KIF26B: variants seen among roughly 807,000 people sequenced by gnomAD.
The protein encoded by KIF26B is kinesin-like protein KIF26B.
In KIF26B, 63 loss-of-function variants were observed where a neutral mutation model predicts 151.2. That is an observed-to-expected ratio of 0.42 (90% CI 0.34 to 0.51). The LOEUF (loss-of-function observed/expected upper bound fraction) is 0.51. KIF26B is among the 20% of genes least tolerant of loss of function. KIF26B has a pLI of 0.07. For synonymous variants in KIF26B, 1,357 were observed against 1,262.1 expected, an observed-to-expected ratio of 1.08 and a Z score of -1.59; for missense variants, 2,813 against 2,913.6, an observed-to-expected ratio of 0.97 and a Z score of 0.79.
At chr1:245,498,808 AGAG>A (rs1256973735) in intron 4 of KIF26B, among the ~76,000 whole-genome samples, 1 of 152,172 alleles carries the variant, frequency 6.6e-6, no homozygotes, top group Non-Finnish European at 1.5e-5. Context: ...ACTGGGGAAA[AGAG>A]GAGGCAACGA....
intron 2 of KIF26B, among the ~76,000 whole-genome samples, chr1:245,262,201 A>G (rs531581112): frequency 1.2e-4 from 19 of 152,160 alleles, no homozygotes; most frequent in Non-Finnish European, 2.5e-4. Flanking sequence ...AACATAGGAG[A>G]CAGCCACTAT....
Position 245,184,050 on chromosome 1 carries a change from G to GTTTTGTTTTTTTTTTTTTTTTTTTTTT in KIF26B, c.465+27371_465+27372insGTTTTTTTTTTTTTTTTTTTTTTTTTT, listed in dbSNP as rs1553332273. On this transcript the variant is annotated intron_variant, in intron 2 of 14. Transcript: ENST00000407071. ...GCAACAGGTATGGGTGGGAGTTGTTGTTTTTTTTTTTTTTTTTTTGAGCTT... is the reference window on the plus strand; with the variant it reads ...GCAACAGGTATGGGTGGGAGTTGTTGTTTTGTTTTTTTTTTTTTTTTTTTTTTTTTTTTTTTTTTTTTTTTTGAGCTT... Among the ~76,000 whole-genome samples the GTTTTGTTTTTTTTTTTTTTTTTTTTTT allele has an allele frequency of 1.4e-3, 27 of 19,812 alleles. 1 individual carries two copies. Among genetic ancestry groups the GTTTTGTTTTTTTTTTTTTTTTTTTTTT allele is most frequent in the Non-Finnish European group, 2.2e-3 (22 of 10,064 alleles). The allele number at this position is 19,812 out of a possible 152,430, so 13.0% of individuals were successfully genotyped here.
intron 2 of KIF26B, among the ~76,000 whole-genome samples, chr1:245,177,694 G>GTC (rs1558335231): frequency 6.7e-6 from 1 of 149,794 alleles, no homozygotes; most frequent in Admixed American, 6.7e-5. Context: ...GTGTGTGTGT[G>GTC]TCTTTCCCCC....
At position 245,702,569 on chromosome 1, in the gene KIF26B, T is replaced by C. The variant is rs749495193; in HGVS notation, c.6290T>C (p.Met2097Thr). ...RVNFCKAHLM[M>T]ITCFDITSRR... ...AACTTCTGCAAGGCCCATCTCATGA[T>C]GATCACCTGCTTCGACATCACCTCC... The change falls in exon 15 of 15, where the codon ATG becomes ACG. Residue 2097 changes from methionine (M) to threonine (T), a missense_variant. Met to Thr is a moderately conservative substitution (Grantham distance 81). Coordinates refer to ENST00000407071, the MANE Select transcript of KIF26B (RefSeq NM_018012.4). The surrounding 1 kb of genome is among the most constrained non-coding windows in gnomAD (Gnocchi z 4.1). 6.2e-7 allele frequency: 1 copy of C among 1,613,958 alleles called. No individual in the cohort carries two copies. The highest frequency in any genetic ancestry group is 8.5e-7 in the Non-Finnish European group (1 of 1,179,872).
intron 4 of KIF26B, among the ~76,000 whole-genome samples, chr1:245,521,960 C>T (rs190265111): frequency 6.6e-6 from 1 of 151,286 alleles, no homozygotes; most frequent in East Asian, 1.9e-4. Context: ...AGCTCTGCCT[C>T]CCGTGTTCAC....
chr1:245,203,142 G>C (rs1189270253), intron 2 of KIF26B, among the ~76,000 whole-genome samples: 5 of 150,198 alleles, frequency 3.3e-5, no homozygotes, highest in Non-Finnish European at 7.4e-5. Context: ...ATCTACTTGG[G>C]AGGCTGAGGC....
At chr1:245,377,927 G>A (rs1673316415) in intron 3 of KIF26B, among the ~76,000 whole-genome samples, 1 of 152,108 alleles carries the variant, frequency 6.6e-6, no homozygotes, top group African/African-American at 2.4e-5. Flanking sequence ...CAGACAAAAT[G>A]AAAAAATGCT....
At chr1:245,349,396 G>A (rs951536277) in intron 2 of KIF26B, among the ~76,000 whole-genome samples, 3 of 152,030 alleles carry the variant, frequency 2.0e-5, no homozygotes, top group Non-Finnish European at 2.9e-5. Flanking sequence ...TGATGGTAAT[G>A]GATGGAAATA....
chr1:245,363,969 C>T (rs543031930), intron 2 of KIF26B, among the ~76,000 whole-genome samples: 2 of 152,232 alleles, frequency 1.3e-5, no homozygotes, highest in African/African-American at 2.4e-5. Context: ...TGAACCCCGG[C>T]GGAGCACTGA....
chr1:245,282,378 C>T lies in KIF26B; in HGVS notation c.466-84456C>T, dbSNP rs115420744. ...TTAAAGCATCTCCGGAAAAGTTTCT[C>T]GTAAAGCCCAGTCTCTTAGAGCCAG... On this transcript the variant is annotated intron_variant, in intron 2 of 14. Transcript: ENST00000407071. Among the ~76,000 whole-genome samples, 858 of 152,256 alleles carry T rather than the reference C, an allele frequency of 5.6e-3. 7 individuals are homozygous for T. Among genetic ancestry groups the T allele is most frequent in the East Asian group, 0.049 (252 of 5,186 alleles).
At chr1:245,287,841 A>G (rs1044680511) in intron 2 of KIF26B, among the ~76,000 whole-genome samples, 1 of 152,060 alleles carries the variant, frequency 6.6e-6, no homozygotes, top group Non-Finnish European at 1.5e-5. Flanking sequence ...GGGAGCAAGG[A>G]ATTCCTAACT....
In KIF26B at chr1:245,687,267, A is replaced by G; in HGVS notation, c.4284A>G (p.Glu1428=). 1 of 1,611,928 alleles carries G rather than the reference A, an allele frequency of 6.2e-7. No individual in the cohort carries two copies. Among genetic ancestry groups the G allele is most frequent in the Non-Finnish European group, 8.5e-7 (1 of 1,179,366 alleles). Residue 1428 remains glutamate (E), a synonymous_variant, in exon 12 of 15, where the codon GAA becomes GAG. Transcript: ENST00000407071. This position sits in a 1 kb window ranked among gnomAD's most constrained non-coding sequence, Gnocchi z 4.9. ...TAGCCCAGTCCCGGGAGAGTAAGGA[A>G]AACAGTGCAAAGAAAGAGATGAAAT... ...PTLAQSRESK[E]NSAKKEMKFE... is the part of the protein sequence containing the mutation.
At chr1:245,348,779 C>T (rs112100168) in intron 2 of KIF26B, among the ~76,000 whole-genome samples, 111 of 152,278 alleles carry the variant, frequency 7.3e-4, no homozygotes, top group Non-Finnish European at 1.3e-3. Context: ...CCAGCCACGC[C>T]GGCCTCTTGC....
chr1:245,567,322 C>T (rs892550570), intron 5 of KIF26B, among the ~76,000 whole-genome samples: 3 of 152,154 alleles, frequency 2.0e-5, no homozygotes, highest in African/African-American at 7.2e-5. Context: ...TTGGATTTTT[C>T]AGGAAATGTT....
chr1:245,177,665 GGTGTGTGT>G (rs111597803), intron 2 of KIF26B, among the ~76,000 whole-genome samples: 21,082 of 149,100 alleles, frequency 0.14, 1,933 homozygotes, highest in East Asian at 0.32. Context: ...TGTCCTTAGG[GGTGTGTGT>G]GTGTGTGTGT....
rs1558402129 is a variant in KIF26B at position 245,359,660 on chromosome 1, C to CCTTCCTTCCTTCCTTCCTTCCT, written c.466-7174_466-7173insCTTCCTTCCTTCCTTCCTTCCT. On this transcript the variant is annotated intron_variant, in intron 2 of 14. Transcript: ENST00000407071. ...CTTCCTTCCTTCCTTCATTCCTTCC[C>CCTTCCTTCCTTCCTTCCTTCCT]TCCTTCCCTCCTTTCCTTACTTCCC... 9.0e-4 allele frequency among the ~76,000 whole-genome samples: 136 copies of CCTTCCTTCCTTCCTTCCTTCCT among 151,226 alleles called. 3 individuals are homozygous for CCTTCCTTCCTTCCTTCCTTCCT. Among genetic ancestry groups the CCTTCCTTCCTTCCTTCCTTCCT allele is most frequent in the East Asian group, 3.7e-3 (19 of 5,088 alleles).
chr1:245,524,570 T>C (rs906954145), intron 4 of KIF26B, among the ~76,000 whole-genome samples: 1 of 152,256 alleles, frequency 6.6e-6, no homozygotes, highest in South Asian at 2.1e-4. Context: ...ATAACATGAG[T>C]AAATAAATGC....
chr1:245,642,849 G>T lies in KIF26B; in HGVS notation c.2099-3272G>T, dbSNP rs142717474. ...TCTGGAGCTGTGACTGGGCCCTCTTGGGATCTGCTGTGGAATAGAAGCTGG... is the reference window on the plus strand; with the variant it reads ...TCTGGAGCTGTGACTGGGCCCTCTTTGGATCTGCTGTGGAATAGAAGCTGG... On this transcript the variant is annotated intron_variant, in intron 9 of 14. Coordinates refer to ENST00000407071, the MANE Select transcript of KIF26B (RefSeq NM_018012.4). 8.5e-3 allele frequency among the ~76,000 whole-genome samples: 1,296 copies of T among 152,248 alleles called. 5 individuals carry two copies. Among genetic ancestry groups the T allele is most frequent in the Middle Eastern group, 0.02 (6 of 294 alleles).
chr1:245,328,540 T>C (rs1275010173), intron 2 of KIF26B, among the ~76,000 whole-genome samples: 2 of 152,216 alleles, frequency 1.3e-5, no homozygotes, highest in East Asian at 1.9e-4. Flanking sequence ...TAATTCATGC[T>C]GTGATGTGGT....
Sources: gnomAD v4.1 joint callset for allele counts (sites outside exome capture counted in the v4.1 genomes callset) on GRCh38, gnomAD v4.1.1 for gene constraint, Gnocchi (gnomAD v3.1) non-coding constraint, MANE v1.5 for transcripts, NCBI Gene and HGNC (gene_info 2026-07-23, HGNC 2026-07-21) for gene names.